ABCB7: variants seen among roughly 807,000 people sequenced by gnomAD.
ABCB7 encodes ATP binding cassette subfamily B member 7.
A neutral mutation model predicts 54.4 loss-of-function variants in ABCB7; 7 were observed. The ratio of observed to expected loss-of-function variants is 0.13; its 90% confidence interval spans 0.07 to 0.24. ABCB7 has a LOEUF of 0.24. Among genes scored for constraint, ABCB7 ranks in the 10% least tolerant of loss-of-function variants. The pLI, the probability that ABCB7 is intolerant of heterozygous loss-of-function variation, is 1.00. For missense variants in ABCB7, 356 were observed against 570.4 expected (o/e 0.62, Z 3.83); for synonymous variants, 218 against 207.1 (o/e 1.05, Z -0.45).
At chrX:75,153,457 C>T (rs1364232202) in intron 1 of ABCB7, among the ~76,000 whole-genome samples, 1 of 109,596 alleles carries the variant, frequency 9.1e-6, no homozygotes, top group African/African-American at 3.3e-5. Context: ...TATTATATTC[C>T]CACTTCAGTT....
intron 1 of ABCB7, among the ~76,000 whole-genome samples, 166 bp from the exon 2 acceptor site, chrX:75,114,997 T>C (rs2081796511): frequency 9.0e-6 from 1 of 111,197 alleles, no homozygotes; most frequent in Admixed American, 9.5e-5. Context: ...AGGCCGGGCC[T>C]GGTGGCTCAC....
intron 3 of ABCB7, among the ~76,000 whole-genome samples, chrX:75,111,654 A>G (rs1179971188): frequency 8.9e-6 from 1 of 112,485 alleles, no homozygotes; most frequent in Non-Finnish European, 1.9e-5. Context: ...CAATTCGATA[A>G]AAAGGCTAAA....
chrX:75,155,180 T>A (rs2082164296), intron 1 of ABCB7, among the ~76,000 whole-genome samples: 1 of 113,174 alleles, frequency 8.8e-6, no homozygotes, highest in South Asian at 3.6e-4. Context: ...ACTGTATGTC[T>A]CTCTTAGTAC....
intron 15 of ABCB7, among the ~76,000 whole-genome samples, chrX:75,057,890 C>A (rs2081254006): frequency 9.0e-6 from 1 of 110,606 alleles, no homozygotes; most frequent in African/African-American, 3.3e-5. Flanking sequence ...GAGCCAGTGG[C>A]ACAAGAGGGT....
chrX:75,137,099 C>T (rs958639642), intron 1 of ABCB7, among the ~76,000 whole-genome samples: 3 of 111,945 alleles, frequency 2.7e-5, no homozygotes, highest in Admixed American at 9.5e-5. Flanking sequence ...AATAGACAAC[C>T]TACAGAATGG....
At chrX:75,152,789 A>T (rs2082142138) in intron 1 of ABCB7, among the ~76,000 whole-genome samples, 1 of 108,934 alleles carries the variant, frequency 9.2e-6, no homozygotes, top group African/African-American at 3.4e-5. Context: ...TCTCCTGAGT[A>T]GCTGTAGTCA....
intron 1 of ABCB7, among the ~76,000 whole-genome samples, chrX:75,153,269 C>T (rs939059276): frequency 1.8e-5 from 2 of 110,745 alleles, no homozygotes; most frequent in African/African-American, 6.6e-5. Context: ...TTAGTACAGA[C>T]GAGGTTTCAC....
At chrX:75,121,461 G>A (rs925687696) in intron 1 of ABCB7, among the ~76,000 whole-genome samples, 2 of 111,702 alleles carry the variant, frequency 1.8e-5, no homozygotes, top group East Asian at 5.6e-4. Context: ...TATACTTGTT[G>A]TTATATTCTA....
intron 4 of ABCB7, among the ~76,000 whole-genome samples, chrX:75,081,803 T>C (rs964184103): frequency 2.7e-5 from 3 of 110,947 alleles, no homozygotes; most frequent in Non-Finnish European, 5.7e-5. Flanking sequence ...GATGTCAAGG[T>C]AAGGTATACA....
At chrX:75,111,940 C>T (rs1233736971) in intron 3 of ABCB7, among the ~76,000 whole-genome samples, 3 of 111,725 alleles carry the variant, frequency 2.7e-5, no homozygotes, top group Non-Finnish European at 3.8e-5. Context: ...ACAAACAAAT[C>T]TCACTATTTG....
intron 4 of ABCB7, among the ~76,000 whole-genome samples, chrX:75,080,677 T>C (rs994710732): frequency 9.0e-6 from 1 of 111,608 alleles, no homozygotes; most frequent in African/African-American, 3.3e-5. Context: ...ACATTTGGTA[T>C]TATCATTTTT....
At chrX:75,117,312 G>A (rs1283712114) in intron 1 of ABCB7, among the ~76,000 whole-genome samples, 1 of 110,437 alleles carries the variant, frequency 9.1e-6, no homozygotes, top group African/African-American at 3.3e-5. Context: ...GGAGACCACC[G>A]AAGGGACTAT....
chrX:75,113,093 T>G, intron 2 of ABCB7, 121 bp from the exon 3 acceptor site: 1 of 549,263 alleles, frequency 1.8e-6, no homozygotes, highest in Non-Finnish European at 3.1e-6. Context: ...GTATAGTATT[T>G]AGTCTGGCAT....
intron 4 of ABCB7, among the ~76,000 whole-genome samples, chrX:75,089,090 TG>T (rs918266063): frequency 1.8e-5 from 2 of 110,425 alleles, no homozygotes; most frequent in African/African-American, 6.5e-5. Flanking sequence ...CTAGTGAAAC[TG>T]TCCTTTACAA....
intron 1 of ABCB7, among the ~76,000 whole-genome samples, chrX:75,137,816 AACATTGAGTAC>A (rs966693210): frequency 1.8e-5 from 2 of 111,951 alleles, no homozygotes; most frequent in Non-Finnish European, 3.8e-5. Context: ...GTGAGAGCTG[AACATTGAGTAC>A]ACATGGACAC....
intron 5 of ABCB7, among the ~76,000 whole-genome samples, chrX:75,076,030 C>A (rs1459201851): frequency 2.7e-5 from 3 of 111,581 alleles, no homozygotes; most frequent in African/African-American, 9.8e-5. Context: ...CATACCCCTA[C>A]TAATGTCTCC....
At chrX:75,081,156 A>C (rs1054979990) in intron 4 of ABCB7, among the ~76,000 whole-genome samples, 1 of 112,082 alleles carries the variant, frequency 8.9e-6, no homozygotes, top group Admixed American at 9.5e-5. Flanking sequence ...CCAGGTTTCA[A>C]TTTAAAAAAT....
At position 75,068,299 on chromosome X, in the gene ABCB7, T is replaced by C. The variant is rs1569218875; in HGVS notation, c.1659+708A>G. 4.5e-5 allele frequency among the ~76,000 whole-genome samples: 5 copies of C among 111,757 alleles called. 1 individual carries two copies. In the Admixed American group the frequency reaches 4.8e-4, roughly 11 times the overall value. On this transcript the variant is annotated intron_variant, in intron 12 of 15. Coordinates refer to ENST00000373394, the MANE Select transcript of ABCB7 (RefSeq NM_001271696.3). ...TGATTCTGGCTCCAGAAATCAACTT[T>C]ATAATACATACTAGCTGCAACTAAT... is the stretch of plus-strand genomic sequence containing the variant.
intron 1 of ABCB7, among the ~76,000 whole-genome samples, chrX:75,120,378 A>T (rs1036583416): frequency 9.0e-6 from 1 of 111,424 alleles, no homozygotes; most frequent in Non-Finnish European, 1.9e-5. Context: ...TGGGGGGTCA[A>T]GGTGGGTGGA....
Sources: gnomAD v4.1 joint callset for allele counts (sites outside exome capture counted in the v4.1 genomes callset) on GRCh38, gnomAD v4.1.1 for gene constraint, MANE v1.5 for transcripts, NCBI Gene and HGNC (gene_info 2026-07-23, HGNC 2026-07-21) for gene names.